Variants in ATG7 observed in about 807,000 individuals in gnomAD.
The protein encoded by ATG7 is ubiquitin-like modifier-activating enzyme ATG7.
ATG7 carries 70 observed loss-of-function variants against 82.4 expected under a neutral mutation model. That is an observed-to-expected ratio of 0.85 (90% CI 0.70 to 1.04). The LOEUF (loss-of-function observed/expected upper bound fraction) is 1.04. Ranked by LOEUF, ATG7 falls within the 50% of genes least tolerant of loss-of-function variation. The pLI, the probability that ATG7 is intolerant of heterozygous loss-of-function variation, is 0.00. For missense variants in ATG7, 792 were observed against 864.3 expected, an observed-to-expected ratio of 0.92 and a Z score of 1.05; for synonymous variants, 287 against 313.0, an observed-to-expected ratio of 0.92 and a Z score of 0.88.
In ATG7 at chr3:11,556,080, CACTTTATTATTGTTCTTAAGGCT is replaced by C. The variant is rs1283572676; in HGVS notation, c.*1243_*1265del. On this transcript the variant is annotated 3_prime_UTR_variant, in exon 21 of 21. Transcript: ENST00000693202. ...ACACGTACACTATGTGGTTTAAGAG[CACTTTATTATTGTTCTTAAGGCT>C]ACTTTTAAGTACAAAAAAAGATGGC... The C allele has an allele frequency of 6.5e-6, 1 of 152,730 alleles. No homozygotes were observed. The highest frequency in any genetic ancestry group is 1.5e-5 in the Non-Finnish European group (1 of 68,036). 9.5% of individuals were successfully genotyped at this position (152,730 alleles called of 1,614,324 possible).
In ATG7 at chr3:11,395,962, A is replaced by T. The variant is rs1401737749; in HGVS notation, c.1956+15910A>T. Among the ~76,000 whole-genome samples, 12 of 122,004 alleles carry T rather than the reference A, an allele frequency of 9.8e-5. No individual in the cohort carries two copies. The South Asian group carries it at 2.9e-3, about 29-fold the overall frequency. The allele number at this position is 122,004 out of a possible 152,430, so 80.0% of individuals were successfully genotyped here. On this transcript the variant is annotated intron_variant, in intron 19 of 20. Transcript: ENST00000693202. The stretch of plus-strand genomic sequence containing the variant: ...CTCAAAAAAAAAAAAAAAAAAAAAA[A>T]AAAGGTAGGGGGGGAAGAGTAAAAG...
chr3:11,349,081 A>G (rs1020886672), intron 14 of ATG7, among the ~76,000 whole-genome samples: 5 of 152,180 alleles, frequency 3.3e-5, no homozygotes, highest in South Asian at 2.1e-4. Flanking sequence ...GTGCGTTTAC[A>G]GTCCTCTAGC....
chr3:11,470,714 A>G (rs1229920823), intron 20 of ATG7, among the ~76,000 whole-genome samples: 2 of 152,164 alleles, frequency 1.3e-5, no homozygotes, highest in Non-Finnish European at 2.9e-5. Flanking sequence ...TGTGAGGGCC[A>G]CAGGGGCCAC....
chr3:11,403,593 G>C (rs1357178030), intron 19 of ATG7, among the ~76,000 whole-genome samples: 3 of 152,104 alleles, frequency 2.0e-5, no homozygotes, highest in African/African-American at 7.2e-5. Flanking sequence ...ATTTCATTGG[G>C]AGAAAAATCT....
chr3:11,291,344 A>G (rs942451848), intron 3 of ATG7, among the ~76,000 whole-genome samples: 3 of 152,066 alleles, frequency 2.0e-5, no homozygotes, highest in African/African-American at 7.2e-5. Flanking sequence ...ATAATTGGTT[A>G]TTTTTTAGCA....
At chr3:11,546,069 T>A (rs1575277286) in intron 20 of ATG7, among the ~76,000 whole-genome samples, 1 of 54,504 alleles carries the variant, frequency 1.8e-5, no homozygotes, top group South Asian at 7.9e-4. Flanking sequence ...GCCTGGGAGG[T>A]CAAGGCTGCA....
intron 19 of ATG7, among the ~76,000 whole-genome samples, chr3:11,417,396 G>T (rs1290782949): frequency 6.6e-6 from 1 of 152,130 alleles, no homozygotes; most frequent in Non-Finnish European, 1.5e-5. Context: ...TCTTACTGGA[G>T]AATTGAGCCC....
At chr3:11,393,291 C>G (rs2078964022) in intron 19 of ATG7, among the ~76,000 whole-genome samples, 1 of 152,094 alleles carries the variant, frequency 6.6e-6, no homozygotes, top group Non-Finnish European at 1.5e-5. Context: ...GTGAGGAAAT[C>G]CTCTAGTATA....
At chr3:11,574,071 C>A in the ATG7 span, among the ~76,000 whole-genome samples, 28 of 152,296 alleles carry the variant, frequency 1.8e-4, no homozygotes, top group South Asian at 5.2e-3. Flanking sequence ...CCACAGCCCT[C>A]AGAAGCAGCC....
At chr3:11,483,270 G>A (rs570726432) in intron 20 of ATG7, among the ~76,000 whole-genome samples, 4 of 152,234 alleles carry the variant, frequency 2.6e-5, no homozygotes, top group East Asian at 3.9e-4. Context: ...GAAGCTTGAC[G>A]AGAAGAGAAA....
chr3:11,346,221 A>G (rs1954522881), intron 13 of ATG7, among the ~76,000 whole-genome samples: 1 of 152,216 alleles, frequency 6.6e-6, no homozygotes, highest in Admixed American at 6.5e-5. Flanking sequence ...AGGATGAAAC[A>G]TAACTTACTG....
At chr3:11,518,430 C>G (rs1334474878) in intron 20 of ATG7, among the ~76,000 whole-genome samples, 2 of 152,014 alleles carry the variant, frequency 1.3e-5, no homozygotes, top group African/African-American at 4.8e-5. Flanking sequence ...GCCTATAGTC[C>G]CAGCTACTTG....
chr3:11,359,373 A>G (rs2076141104), intron 15 of ATG7, among the ~76,000 whole-genome samples: 1 of 152,206 alleles, frequency 6.6e-6, no homozygotes, highest in East Asian at 1.9e-4. Context: ...AATTAGAACT[A>G]TGAAAAGTTG....
At chr3:11,451,785 CAA>C (rs376573903) in intron 20 of ATG7, among the ~76,000 whole-genome samples, 13 of 129,570 alleles carry the variant, frequency 1.0e-4, no homozygotes, top group African/African-American at 2.1e-4. Context: ...TTTATAGTCT[CAA>C]AAAAAAAAAA....
chr3:11,545,579 C>G lies in ATG7; in HGVS notation c.2080-9232C>G, dbSNP rs562362426. On this transcript the variant is annotated intron_variant, in intron 20 of 20. Transcript: ENST00000693202. ...AAACCTGACCTAGGACTTCACGGAC[C>G]AAGCCCTAACCCACAGCCTTCTGGC... Among the ~76,000 whole-genome samples the G allele has an allele frequency of 5.9e-5, 9 of 152,260 alleles. No individual in the cohort carries two copies. In the East Asian group the frequency reaches 1.7e-3, roughly 29 times the overall value.
rs568812498 is a variant in ATG7 at position 11,460,722 on chromosome 3, A to G, written c.2079+33796A>G. 3.3e-5 allele frequency among the ~76,000 whole-genome samples: 5 copies of G among 152,358 alleles called. No homozygotes were observed. The South Asian group carries it at 8.3e-4, about 25-fold the overall frequency. Reference sequence around the variant, plus strand: ...CCCAAATTTCATCCCAGTCAAGGACATATAAATTTTGACAAATAATATCTA... The same window carrying G: ...CCCAAATTTCATCCCAGTCAAGGACGTATAAATTTTGACAAATAATATCTA... On this transcript the variant is annotated intron_variant, in intron 20 of 20. Transcript: ENST00000693202.
At chr3:11,449,496 G>A (rs546499697) in intron 20 of ATG7, among the ~76,000 whole-genome samples, 1 of 152,162 alleles carries the variant, frequency 6.6e-6, no homozygotes, top group Non-Finnish European at 1.5e-5. Context: ...AGACTGAGAG[G>A]GTGAGAGAGA....
intron 20 of ATG7, among the ~76,000 whole-genome samples, chr3:11,450,098 T>C (rs1235227725): frequency 6.6e-6 from 1 of 152,246 alleles, no homozygotes; most frequent in Non-Finnish European, 1.5e-5. Flanking sequence ...GAACTTGCTG[T>C]GTTCCATACA....
At chr3:11,308,762 T>C in intron 6 of ATG7, 1 of 580,858 alleles carries the variant, frequency 1.7e-6, no homozygotes, top group Non-Finnish European at 3.1e-6. Context: ...AGGAGGCGCC[T>C]GGGTTCCCTC....
Sources: allele counts gnomAD v4.1 joint callset (sites outside exome capture counted in the v4.1 genomes callset), GRCh38; gene constraint gnomAD v4.1.1; transcripts MANE v1.5; gene names NCBI Gene and HGNC (gene_info 2026-07-23, HGNC 2026-07-21).